KCNH8: variants seen among roughly 807,000 people sequenced by gnomAD.
The protein encoded by KCNH8 is potassium voltage-gated channel subfamily H member 8.
In KCNH8, 70 loss-of-function variants were observed where a neutral mutation model predicts 103.6. The observed-to-expected ratio is 0.68, with a 90% confidence interval of 0.56 to 0.82. KCNH8 has a LOEUF of 0.82. Among genes scored for constraint, KCNH8 ranks in the 40% least tolerant of loss-of-function variants. The probability of loss-of-function intolerance (pLI) is 0.00; values close to 1 mark genes in which losing one functional copy is unlikely to be tolerated. For missense variants in KCNH8, 1,217 were observed against 1,329.9 expected (o/e 0.92, Z 1.32); for synonymous variants, 498 against 489.4 (o/e 1.02, Z -0.23).
At chr3:19,312,872 A>G (rs2065223890) in intron 3 of KCNH8, among the ~76,000 whole-genome samples, 1 of 151,940 alleles carries the variant, frequency 6.6e-6, no homozygotes, top group African/African-American at 2.4e-5. Flanking sequence ...ATTTCCTGGA[A>G]TAAATTTGAG....
At chr3:19,515,016 CTGAA>C (rs1575164688) in intron 13 of KCNH8, among the ~76,000 whole-genome samples, 1 of 151,620 alleles carries the variant, frequency 6.6e-6, no homozygotes, top group South Asian at 2.1e-4. Flanking sequence ...TTTTATTTGA[CTGAA>C]TATGTTCCAA....
At chr3:19,403,970 A>T (rs2066654764) in intron 7 of KCNH8, among the ~76,000 whole-genome samples, 1 of 151,890 alleles carries the variant, frequency 6.6e-6, no homozygotes, top group Non-Finnish European at 1.5e-5. Context: ...CCTATTCCTC[A>T]TCAGATGTCC....
Position 19,451,001 on chromosome 3 carries a change from T to C in KCNH8, c.1576-154T>C, listed in dbSNP as rs1049684878. 26 of 696,970 alleles carry C rather than the reference T, an allele frequency of 3.7e-5. No individual in the cohort carries two copies. In the Admixed American group the frequency reaches 6.3e-4, roughly 17 times the overall value. The allele number at this position is 696,970 out of a possible 1,614,324, so 43.2% of individuals were successfully genotyped here. A position where few individuals can be genotyped will look rare whatever the true frequency, so the allele number is the denominator to read the frequency against. On this transcript the variant is annotated intron_variant, in intron 9 of 15. Coordinates refer to ENST00000328405, the MANE Select transcript of KCNH8 (RefSeq NM_144633.3). Reference sequence around the variant, plus strand: ...CATAATTCACAGTCACTGAAAAATCTCTCCAGGATTATACATACTTAGATT... The same window carrying C: ...CATAATTCACAGTCACTGAAAAATCCCTCCAGGATTATACATACTTAGATT...
intron 11 of KCNH8, among the ~76,000 whole-genome samples, chr3:19,488,600 T>A (rs2068258901): frequency 6.6e-6 from 1 of 152,206 alleles, no homozygotes; most frequent in Non-Finnish European, 1.5e-5. Flanking sequence ...CTCCCCTTTT[T>A]CTTGGATGAC....
intron 7 of KCNH8, among the ~76,000 whole-genome samples, chr3:19,405,777 A>C (rs2066682230): frequency 6.6e-6 from 1 of 151,958 alleles, no homozygotes. Flanking sequence ...CATTTTATCA[A>C]ACCATATTTG....
intron 5 of KCNH8, among the ~76,000 whole-genome samples, chr3:19,348,919 G>A (rs536961655): frequency 1.3e-5 from 2 of 151,890 alleles, no homozygotes; most frequent in Non-Finnish European, 2.9e-5. Context: ...TGTTTTTTTG[G>A]TTTTTTCTCA....
chr3:19,421,282 A>T (rs570518052), intron 7 of KCNH8, among the ~76,000 whole-genome samples: 3 of 152,102 alleles, frequency 2.0e-5, no homozygotes, highest in African/African-American at 7.2e-5. Context: ...AATACTCAGT[A>T]TGTTTTACAA....
At chr3:19,380,011 T>G (rs2066267350) in intron 5 of KCNH8, among the ~76,000 whole-genome samples, 1 of 152,228 alleles carries the variant, frequency 6.6e-6, no homozygotes, top group African/African-American at 2.4e-5. Context: ...GCTGTGTTTA[T>G]ATAAAGTTTT....
intron 1 of KCNH8, among the ~76,000 whole-genome samples, chr3:19,210,213 T>C (rs1050573552): frequency 3.9e-5 from 6 of 152,260 alleles, no homozygotes; most frequent in African/African-American, 1.4e-4. Context: ...TGCCATCACA[T>C]TTTAAAATTA....
chr3:19,471,118 A>C (rs1336453736), intron 11 of KCNH8, among the ~76,000 whole-genome samples: 1 of 152,180 alleles, frequency 6.6e-6, no homozygotes, highest in Non-Finnish European at 1.5e-5. Flanking sequence ...AAAGGGAGAG[A>C]AAGAAAAGGC....
At chr3:19,517,114 C>A (rs2068887856) in intron 14 of KCNH8, among the ~76,000 whole-genome samples, 1 of 151,820 alleles carries the variant, frequency 6.6e-6, no homozygotes, top group East Asian at 1.9e-4. Context: ...GCCTGGCCTA[C>A]TTTTTAAATG....
intron 5 of KCNH8, among the ~76,000 whole-genome samples, chr3:19,388,714 T>A (rs1358279509): frequency 6.6e-6 from 1 of 152,140 alleles, no homozygotes; most frequent in African/African-American, 2.4e-5. Flanking sequence ...TCTTTTTGGG[T>A]CACCCAGGAC....
intron 11 of KCNH8, among the ~76,000 whole-genome samples, chr3:19,497,143 T>C (rs144842152): frequency 3.9e-5 from 6 of 152,300 alleles, no homozygotes; most frequent in Admixed American, 3.9e-4. Context: ...TTCTCTCTTC[T>C]TTCCTTTGTT....
chr3:19,238,544 A>C (rs547958760), intron 1 of KCNH8, among the ~76,000 whole-genome samples: 4 of 152,240 alleles, frequency 2.6e-5, no homozygotes, highest in Non-Finnish European at 5.9e-5. Context: ...TTATGATTTA[A>C]TAACCGCATG....
At chr3:19,364,294 C>T (rs2065982902) in intron 5 of KCNH8, among the ~76,000 whole-genome samples, 1 of 152,110 alleles carries the variant, frequency 6.6e-6, no homozygotes, top group Non-Finnish European at 1.5e-5. Flanking sequence ...TTCTGTTTAG[C>T]CATTCACGCT....
chr3:19,311,542 G>A (rs983196540), intron 3 of KCNH8, among the ~76,000 whole-genome samples: 6 of 150,762 alleles, frequency 4.0e-5, no homozygotes, highest in Non-Finnish European at 5.9e-5. Context: ...GACATTTTTT[G>A]CCTCTTGGCT....
chr3:19,222,835 A>G (rs762757027), intron 1 of KCNH8, among the ~76,000 whole-genome samples: 1 of 152,184 alleles, frequency 6.6e-6, no homozygotes, highest in Admixed American at 6.5e-5. Context: ...GAAAGCCTCT[A>G]CATTTTACTT....
At chr3:19,153,852 T>C (rs1455507064) in intron 1 of KCNH8, among the ~76,000 whole-genome samples, 1 of 152,076 alleles carries the variant, frequency 6.6e-6, no homozygotes, top group African/African-American at 2.4e-5. Flanking sequence ...CAGGCTGGTC[T>C]TGAACTCATG....
At chr3:19,353,288 G>A (rs1370841051) in intron 5 of KCNH8, among the ~76,000 whole-genome samples, 3 of 152,090 alleles carry the variant, frequency 2.0e-5, no homozygotes, top group Non-Finnish European at 2.9e-5. Context: ...ATTCACAGCC[G>A]AATTCTACCA....
Sources: gnomAD v4.1 joint callset for allele counts (sites outside exome capture counted in the v4.1 genomes callset) on GRCh38, gnomAD v4.1.1 for gene constraint, MANE v1.5 for transcripts, NCBI Gene and HGNC (gene_info 2026-07-23, HGNC 2026-07-21) for gene names.